ALDH5A1: variants seen among roughly 807,000 people sequenced by gnomAD.
The protein encoded by ALDH5A1 is succinate-semialdehyde dehydrogenase, mitochondrial.
In ALDH5A1, 33 loss-of-function variants were observed where a neutral mutation model predicts 54.7. The observed-to-expected ratio is 0.60, with a 90% CI of 0.46 to 0.81. The LOEUF (loss-of-function observed/expected upper bound fraction) is 0.81. Among genes scored for constraint, ALDH5A1 ranks in the 30% least tolerant of loss-of-function variants. The pLI is 0.00. For synonymous variants in ALDH5A1, 294 were observed against 292.7 expected (o/e 1.00, Z -0.05); for missense variants, 657 against 711.0 (o/e 0.92, Z 0.86).
At chr6:24,531,665 C>G (rs1160677126) in intron 8 of ALDH5A1, among the ~76,000 whole-genome samples, 1 of 152,158 alleles carries the variant, frequency 6.6e-6, no homozygotes, top group African/African-American at 2.4e-5. Context: ...GAGGAGACTC[C>G]AAGCATCGTG....
At chr6:24,508,361 CAAAAA>C (rs1214819272) in intron 4 of ALDH5A1, among the ~76,000 whole-genome samples, 30 of 13,084 alleles carry the variant, frequency 2.3e-3, no homozygotes, top group African/African-American at 6.4e-3. Flanking sequence ...ACTCCATCTC[CAAAAA>C]AAAAAAAAAA....
chr6:24,498,458 T>TA (rs951071608), intron 1 of ALDH5A1, among the ~76,000 whole-genome samples: 1 of 152,168 alleles, frequency 6.6e-6, no homozygotes, highest in African/African-American at 2.4e-5. Flanking sequence ...ACAATGGTGT[T>TA]ACACTGCAGG....
At chr6:24,531,615 A>T (rs1354692333) in intron 8 of ALDH5A1, among the ~76,000 whole-genome samples, 1 of 152,186 alleles carries the variant, frequency 6.6e-6, no homozygotes, top group African/African-American at 2.4e-5. Context: ...AAGCTAGAAG[A>T]GATGGCCTGG....
chr6:24,513,136 T>C (rs1296885086), intron 4 of ALDH5A1, among the ~76,000 whole-genome samples: 1 of 152,142 alleles, frequency 6.6e-6, no homozygotes, highest in Non-Finnish European at 1.5e-5. Context: ...CACGGCTCAC[T>C]GCAGCCTCGA....
At chr6:24,495,553 A>T (rs141812692) in intron 1 of ALDH5A1, among the ~76,000 whole-genome samples, 29 of 152,276 alleles carry the variant, frequency 1.9e-4, no homozygotes, top group Non-Finnish European at 4.0e-4. Context: ...GGCACTAGGG[A>T]CACGACCCCT....
intron 7 of ALDH5A1, among the ~76,000 whole-genome samples, chr6:24,524,984 G>A (rs568552834): frequency 3.3e-5 from 5 of 152,296 alleles, no homozygotes; most frequent in African/African-American, 7.2e-5. Flanking sequence ...AAGGGAAGAC[G>A]CAGACATTGT....
At chr6:24,526,953 AATATATATATATGTGTGTGTGTATATAT>A (rs1379487794) in intron 7 of ALDH5A1, among the ~76,000 whole-genome samples, 44 of 106,012 alleles carry the variant, frequency 4.2e-4, no homozygotes, top group East Asian at 1.7e-3. Context: ...ATATATATCT[AATATATATATATGTGTGTGTGTATATAT>A]ATATATATAT....
At chr6:24,527,491 G>C (rs746489704) in intron 7 of ALDH5A1, among the ~76,000 whole-genome samples, 1 of 152,140 alleles carries the variant, frequency 6.6e-6, no homozygotes, top group Non-Finnish European at 1.5e-5. Flanking sequence ...AGAATCGCTT[G>C]AACCTGGGAG....
At chr6:24,530,977 G>T (rs534494886) in intron 8 of ALDH5A1, among the ~76,000 whole-genome samples, 1 of 152,304 alleles carries the variant, frequency 6.6e-6, no homozygotes, top group East Asian at 1.9e-4. Context: ...TTCTCCCCCA[G>T]GATCCAACCA....
In ALDH5A1 at chr6:24,507,431, C is replaced by CT. The variant is rs4646840; in HGVS notation, c.726+2456dup. ...TAAGTTTCTTGCCCTTATAAGTCAA[C>CT]TTTTTTTTTTACCTAGATACACAAA... On this transcript the variant is annotated intron_variant, in intron 4 of 9. Coordinates refer to ENST00000357578, the MANE Select transcript of ALDH5A1 (RefSeq NM_001080.3). Among the ~76,000 whole-genome samples the CT allele has an allele frequency of 2.7e-3, 401 of 148,174 alleles. 6 individuals carry two copies. The East Asian group carries it at 0.028, about 11-fold the overall frequency.
At position 24,509,221 on chromosome 6, in the gene ALDH5A1, G is replaced by C. The variant is rs551902994; in HGVS notation, c.726+4236G>C. 2.6e-5 allele frequency among the ~76,000 whole-genome samples: 4 copies of C among 152,294 alleles called. 1 individual carries two copies. The South Asian group carries it at 8.3e-4, about 32-fold the overall frequency. ...CAATGGCTAGAAGGGTTTTTCCAAT[G>C]TTATCTTCTAGAATTTTTATAGTTT... On this transcript the variant is annotated intron_variant, in intron 4 of 9. Transcript: ENST00000357578. This position sits in a 1 kb window ranked among gnomAD's most constrained non-coding sequence, Gnocchi z 4.7.
At position 24,533,574 on chromosome 6, in the gene ALDH5A1, T is replaced by C. The variant is rs773583461; in HGVS notation, c.1470T>C (p.Val490=). The C allele has an allele frequency of 6.2e-7, 1 of 1,614,164 alleles. No homozygotes were observed. Among genetic ancestry groups the C allele is most frequent in the Non-Finnish European group, 8.5e-7 (1 of 1,180,028 alleles). ...CAGAGCAGCTGGAAGTGGGCATGGT[T>C]GGCGTCAACGAAGGATTAATTTCCT... ...RVAEQLEVGM[V]GVNEGLISSV... Residue 490 remains valine (V), a synonymous_variant, in exon 10 of 10, where the codon GTT becomes GTC. Transcript: ENST00000357578.
chr6:24,511,821 C>G, intron 4 of ALDH5A1: 1 of 509,080 alleles, frequency 2.0e-6, no homozygotes, highest in Non-Finnish European at 3.5e-6. Context: ...TATCTGAATT[C>G]TTTTTCAGGT....
chr6:24,499,107 A>G (rs1764768966), intron 1 of ALDH5A1, among the ~76,000 whole-genome samples: 1 of 150,804 alleles, frequency 6.6e-6, no homozygotes, highest in Non-Finnish European at 1.5e-5. Flanking sequence ...GTCTCAAAAA[A>G]AAAAAAAAAA....
intron 4 of ALDH5A1, among the ~76,000 whole-genome samples, chr6:24,514,905 T>G (rs1339648744): frequency 6.6e-6 from 1 of 152,084 alleles, no homozygotes; most frequent in Non-Finnish European, 1.5e-5. Flanking sequence ...CCCAAAGCGC[T>G]GAGATTACAG....
Position 24,533,833 on chromosome 6 carries a change from C to A in ALDH5A1, c.*121C>A. On this transcript the variant is annotated 3_prime_UTR_variant, in exon 10 of 10. Transcript: ENST00000357578. ...AATTATGAATTTTTCAGAACTCATC[C>A]AGTCCTTGTAATCTTAAACAGATGC... is the stretch of plus-strand genomic sequence containing the variant. The A allele has an allele frequency of 1.0e-6, 1 of 981,618 alleles. No homozygotes were observed. Among genetic ancestry groups the A allele is most frequent in the Non-Finnish European group, 1.5e-6 (1 of 658,272 alleles). 60.8% of individuals were successfully genotyped at this position (981,618 alleles called of 1,614,324 possible).
At chr6:24,523,423 A>G (rs553205251) in intron 7 of ALDH5A1, among the ~76,000 whole-genome samples, 1 of 152,312 alleles carries the variant, frequency 6.6e-6, no homozygotes, top group Non-Finnish European at 1.5e-5. Context: ...TTTGTAAACA[A>G]TGGAGAAACC....
At chr6:24,496,984 G>A (rs1198430620) in intron 1 of ALDH5A1, among the ~76,000 whole-genome samples, 1 of 152,200 alleles carries the variant, frequency 6.6e-6, no homozygotes, top group African/African-American at 2.4e-5. Flanking sequence ...ACCAAAGGAG[G>A]TAAGTGTGTC....
At chr6:24,529,897 C>G (rs1310846569) in intron 8 of ALDH5A1, among the ~76,000 whole-genome samples, 1 of 152,024 alleles carries the variant, frequency 6.6e-6, no homozygotes, top group East Asian at 1.9e-4. Context: ...GTCTCGAACT[C>G]CTGACCTCAA....
Sources: allele counts gnomAD v4.1 joint callset (sites outside exome capture counted in the v4.1 genomes callset), GRCh38; gene constraint gnomAD v4.1.1; non-coding constraint Gnocchi (gnomAD v3.1); transcripts MANE v1.5; gene names NCBI Gene and HGNC (gene_info 2026-07-23, HGNC 2026-07-21).